Variants in SLCO5A1 observed in about 807,000 individuals in gnomAD.
SLCO5A1 encodes organic anion transporter polypeptide-related protein 4.
Under a neutral mutation model 65.1 loss-of-function variants are expected in SLCO5A1, and 39 were observed. That is an observed-to-expected ratio of 0.60 (90% CI 0.46 to 0.78). SLCO5A1 has a LOEUF of 0.78. SLCO5A1 is among the 30% of genes least tolerant of loss of function. The probability of loss-of-function intolerance (pLI) is 0.00; values close to 1 mark genes in which losing one functional copy is unlikely to be tolerated. For missense variants in SLCO5A1, 1,029 were observed against 1,069.4 expected (o/e 0.96, Z 0.53); for synonymous variants, 438 against 415.7 (o/e 1.05, Z -0.65).
chr8:69,831,059 G>A (rs1401221550), intron 2 of SLCO5A1, among the ~76,000 whole-genome samples: 2 of 152,094 alleles, frequency 1.3e-5, no homozygotes, highest in East Asian at 1.9e-4. Flanking sequence ...GATCACCTGA[G>A]GTCAAGAGTT....
At chr8:69,748,081 C>G (rs1033920894) in intron 4 of SLCO5A1, among the ~76,000 whole-genome samples, 1 of 152,128 alleles carries the variant, frequency 6.6e-6, no homozygotes, top group African/African-American at 2.4e-5. Flanking sequence ...AGTCCTCCCT[C>G]CCCTCCAAAA....
chr8:69,735,129 C>T (rs1370047705), intron 5 of SLCO5A1, among the ~76,000 whole-genome samples: 3 of 152,324 alleles, frequency 2.0e-5, no homozygotes, highest in Non-Finnish European at 4.4e-5. Context: ...GATGCCATCT[C>T]ATGCCAGTCA....
rs374279214 is a variant in SLCO5A1 at position 69,716,467 on chromosome 8, T to A, written c.1424-11238A>T. On this transcript the variant is annotated intron_variant, in intron 5 of 9. Transcript: ENST00000260126. Reference sequence around the variant, plus strand: ...GTGTAAGGATTCCAATTTCTACACATCTTCACCAACTCTTGTTATTATCAC... The same window carrying A: ...GTGTAAGGATTCCAATTTCTACACAACTTCACCAACTCTTGTTATTATCAC... 7.2e-5 allele frequency among the ~76,000 whole-genome samples: 11 copies of A among 152,364 alleles called. No homozygotes were observed. The East Asian group carries it at 1.7e-3, about 24-fold the overall frequency.
chr8:69,726,797 G>A (rs568213204), intron 5 of SLCO5A1, among the ~76,000 whole-genome samples: 3 of 152,028 alleles, frequency 2.0e-5, no homozygotes, highest in South Asian at 2.1e-4. Context: ...CACCATGCCC[G>A]GCCTCTACCT....
At chr8:69,750,266 AG>A (rs1379565584) in intron 4 of SLCO5A1, among the ~76,000 whole-genome samples, 1 of 152,106 alleles carries the variant, frequency 6.6e-6, no homozygotes, top group Non-Finnish European at 1.5e-5. Flanking sequence ...TCGATGCAGC[AG>A]GGCCAGTTTA....
chr8:69,751,240 A>G (rs956144163), intron 4 of SLCO5A1, among the ~76,000 whole-genome samples: 3 of 152,236 alleles, frequency 2.0e-5, no homozygotes, highest in Non-Finnish European at 4.4e-5. Flanking sequence ...GCTGGACCTC[A>G]AACCTCAGGA....
In SLCO5A1 at chr8:69,798,028, G is replaced by A. The variant is rs185494868; in HGVS notation, c.907+33739C>T. Among the ~76,000 whole-genome samples the A allele has an allele frequency of 5.6e-3, 854 of 152,036 alleles. 8 individuals carry two copies. Among genetic ancestry groups the A allele is most frequent in the African/African-American group, 0.02 (809 of 41,438 alleles). On this transcript the variant is annotated intron_variant, in intron 2 of 9. Transcript: ENST00000260126. ...CCTGCCGACATGTGATGTCTCCCCC[G>A]GACACCCAGCTTTAAAATTTCTCGT...
chr8:69,712,650 C>T (rs1655834948), intron 5 of SLCO5A1, among the ~76,000 whole-genome samples: 2 of 152,172 alleles, frequency 1.3e-5, no homozygotes, highest in Admixed American at 6.5e-5. Context: ...CCAGCGCTAG[C>T]CCCTCTCATC....
intron 5 of SLCO5A1, chr8:69,713,503 A>T (rs1310656560): frequency 6.6e-6 from 1 of 152,116 alleles, no homozygotes; most frequent in Non-Finnish European, 1.5e-5. Flanking sequence ...ACACCCACAC[A>T]CCCACAAACA....
At chr8:69,831,099 C>A (rs750520937) in intron 2 of SLCO5A1, among the ~76,000 whole-genome samples, 9 of 151,822 alleles carry the variant, frequency 5.9e-5, no homozygotes, top group Non-Finnish European at 1.3e-4. Context: ...ATGGTGAAAC[C>A]CCATCTCTAC....
intron 5 of SLCO5A1, among the ~76,000 whole-genome samples, chr8:69,708,098 T>C (rs761940330): frequency 9.2e-5 from 14 of 152,020 alleles, no homozygotes; most frequent in Non-Finnish European, 1.6e-4. Flanking sequence ...TAATGGGGTA[T>C]CATAAAAAGG....
chr8:69,783,014 A>G (rs1301336251), intron 2 of SLCO5A1, among the ~76,000 whole-genome samples: 1 of 152,192 alleles, frequency 6.6e-6, no homozygotes, highest in Non-Finnish European at 1.5e-5. Flanking sequence ...TAAATAGTAG[A>G]TCATAATTTA....
At position 69,812,780 on chromosome 8, in the gene SLCO5A1, A is replaced by G. The variant is rs900489763; in HGVS notation, c.907+18987T>C. Among the ~76,000 whole-genome samples the G allele has an allele frequency of 3.3e-5, 5 of 152,354 alleles. No homozygotes were observed. The South Asian group carries it at 1.0e-3, about 32-fold the overall frequency. ...ACTAATTTCTTTTGAGAGTTTAACA[A>G]TAACAAAATAACTGGAGACATCTTA... On this transcript the variant is annotated intron_variant, in intron 2 of 9. Coordinates refer to ENST00000260126, the MANE Select transcript of SLCO5A1 (RefSeq NM_030958.3).
intron 4 of SLCO5A1, among the ~76,000 whole-genome samples, chr8:69,750,249 G>T (rs975762826): frequency 6.6e-6 from 1 of 152,114 alleles, no homozygotes; most frequent in Non-Finnish European, 1.5e-5. Context: ...TAGAAAGGGG[G>T]CAAGGGTCGA....
chr8:69,716,966 G>A (rs1330803114), intron 5 of SLCO5A1, among the ~76,000 whole-genome samples: 1 of 152,014 alleles, frequency 6.6e-6, no homozygotes, highest in African/African-American at 2.4e-5. Flanking sequence ...TTTTTATGGA[G>A]ATGAGGTATC....
intron 2 of SLCO5A1, among the ~76,000 whole-genome samples, chr8:69,813,630 G>A (rs75466711): frequency 3.9e-5 from 6 of 152,200 alleles, no homozygotes; most frequent in East Asian, 1.9e-4. Context: ...CTCTCAAGCC[G>A]CCGGGAGGTG....
chr8:69,731,085 C>A (rs1816316814), intron 5 of SLCO5A1, among the ~76,000 whole-genome samples: 5 of 152,108 alleles, frequency 3.3e-5, no homozygotes, highest in Admixed American at 3.3e-4. Flanking sequence ...ACAACCTCTG[C>A]CTCCCAGGTT....
chr8:69,810,388 G>C (rs756863013), intron 2 of SLCO5A1, among the ~76,000 whole-genome samples: 8 of 152,294 alleles, frequency 5.3e-5, no homozygotes, highest in Admixed American at 2.0e-4. Flanking sequence ...CCACTTTAAA[G>C]CTATTATCAT....
At chr8:69,767,768 T>C (rs1818124310) in intron 2 of SLCO5A1, among the ~76,000 whole-genome samples, 1 of 151,078 alleles carries the variant, frequency 6.6e-6, no homozygotes, top group African/African-American at 2.4e-5. Flanking sequence ...CAGGCACCTG[T>C]AGTCCCAGCT....
Sources: allele counts gnomAD v4.1 joint callset (sites outside exome capture counted in the v4.1 genomes callset), GRCh38; gene constraint gnomAD v4.1.1; transcripts MANE v1.5; gene names NCBI Gene and HGNC (gene_info 2026-07-23, HGNC 2026-07-21).